LUC7L: variants seen among roughly 807,000 people sequenced by gnomAD.
LUC7L encodes the protein putative RNA-binding protein Luc7-like 1.
A neutral mutation model predicts 51.1 loss-of-function variants in LUC7L; 29 were observed. That is an observed-to-expected ratio of 0.57 (90% CI 0.42 to 0.77). LUC7L has a LOEUF of 0.77. Among genes scored for constraint, LUC7L ranks in the 30% least tolerant of loss-of-function variants. The probability of loss-of-function intolerance (pLI) is 0.00; values close to 1 mark genes in which losing one functional copy is unlikely to be tolerated. For synonymous variants in LUC7L, 181 were observed against 180.7 expected, an observed-to-expected ratio of 1.00 and a Z score of -0.01; for missense variants, 403 against 511.9, an observed-to-expected ratio of 0.79 and a Z score of 2.05.
intron 5 of LUC7L, among the ~76,000 whole-genome samples, chr16:205,789 G>C (rs1302035240): frequency 6.6e-6 from 1 of 152,050 alleles, no homozygotes; most frequent in South Asian, 2.1e-4. Context: ...ACGGGGATTC[G>C]CTGTGTTAGC....
intron 3 of LUC7L, among the ~76,000 whole-genome samples, chr16:216,843 T>A (rs922930532): frequency 2.6e-5 from 4 of 152,050 alleles, no homozygotes; most frequent in Non-Finnish European, 5.9e-5. Context: ...TCAAGGCACA[T>A]GCCACCACGC....
chr16:225,485 T>TC (rs1483383750), intron 2 of LUC7L, among the ~76,000 whole-genome samples: 3 of 99,368 alleles, frequency 3.0e-5, no homozygotes, highest in Admixed American at 1.0e-4. Context: ...AAACTCCGTC[T>TC]CTTTTTTTTT....
intron 7 of LUC7L, among the ~76,000 whole-genome samples, chr16:192,342 C>T (rs1034704672): frequency 6.6e-6 from 1 of 152,024 alleles, no homozygotes; most frequent in Admixed American, 6.6e-5. Flanking sequence ...ACCCCTCCTG[C>T]GTAAACAGGT....
chr16:191,471 T>C (rs1298119449), intron 7 of LUC7L, among the ~76,000 whole-genome samples: 5 of 152,154 alleles, frequency 3.3e-5, no homozygotes, highest in East Asian at 3.8e-4. Context: ...GTAAACTCCA[T>C]GCAAAAAATG....
At chr16:201,606 A>AT (rs950089664) in intron 5 of LUC7L, among the ~76,000 whole-genome samples, 1 of 151,848 alleles carries the variant, frequency 6.6e-6, no homozygotes, top group African/African-American at 2.4e-5. Flanking sequence ...CGCCCGGCCA[A>AT]TTTTTTGTAT....
chr16:221,567 T>C (rs1240050638), intron 2 of LUC7L, among the ~76,000 whole-genome samples: 1 of 151,910 alleles, frequency 6.6e-6, no homozygotes. Context: ...CCAGGTGTGG[T>C]GGCAGGGCAC....
chr16:197,557 A>G (rs1270454277), intron 6 of LUC7L, among the ~76,000 whole-genome samples: 2 of 152,170 alleles, frequency 1.3e-5, no homozygotes, highest in Non-Finnish European at 2.9e-5. Flanking sequence ...AAAAATTCCA[A>G]CTTTGACAGA....
rs757938234 is a variant in LUC7L, at chr16:190,175, TG to T, written c.807-41del. The T allele has an allele frequency of 4.5e-6, 7 of 1,558,174 alleles. No homozygotes were observed. In the South Asian group the frequency reaches 7.8e-5, roughly 17 times the overall value. On this transcript the variant is annotated intron_variant, in intron 8 of 9. Transcript: ENST00000293872. ...GGCTCCAAGGCTGAGACTCTATAGG[TG>T]CCAACACTATGAGGGCCCCACCCCT...
At chr16:215,677 C>A (rs1463766034) in intron 3 of LUC7L, among the ~76,000 whole-genome samples, 1 of 151,216 alleles carries the variant, frequency 6.6e-6, no homozygotes, top group Non-Finnish European at 1.5e-5. Context: ...GTGACATGCA[C>A]CTGTAGTCCC....
intron 3 of LUC7L, among the ~76,000 whole-genome samples, chr16:216,035 CTT>C (rs1238118107): frequency 2.0e-5 from 3 of 151,974 alleles, no homozygotes; most frequent in Admixed American, 6.6e-5. Context: ...GGATTTCGCT[CTT>C]GTTGCCCAGG....
At chr16:224,997 T>C (rs918807402) in intron 2 of LUC7L, among the ~76,000 whole-genome samples, 3 of 152,196 alleles carry the variant, frequency 2.0e-5, no homozygotes, top group African/African-American at 7.2e-5. Context: ...AAAATACTAC[T>C]GGCCATTCCC....
chr16:224,497 C>G (rs1392887801), intron 2 of LUC7L, among the ~76,000 whole-genome samples: 1 of 140,638 alleles, frequency 7.1e-6, no homozygotes, highest in Non-Finnish European at 1.5e-5. Flanking sequence ...CCAGCCTGGG[C>G]AACAAGAGCG....
At chr16:189,703 C>T in intron 9 of LUC7L, 2 of 1,354,468 alleles carry the variant, frequency 1.5e-6, no homozygotes, top group Non-Finnish European at 1.9e-6. Flanking sequence ...AAGTCTCAGC[C>T]ACTCTGAGCA....
intron 1 of LUC7L, chr16:227,677 C>A (rs1488905061): frequency 2.8e-6 from 3 of 1,081,642 alleles, no homozygotes; most frequent in Non-Finnish European, 3.4e-6. Context: ...ATCAGAGGTC[C>A]ATGAACCACC....
intron 9 of LUC7L, 158 bp from the exon 10 acceptor site, chr16:189,497 T>G (rs763776777): frequency 2.1e-4 from 293 of 1,419,618 alleles, no homozygotes; most frequent in Middle Eastern, 5.2e-4. Context: ...CCACCACATA[T>G]GGAGTGTTAG....
intron 5 of LUC7L, among the ~76,000 whole-genome samples, chr16:201,335 A>T (rs1435688622): frequency 1.3e-5 from 2 of 151,898 alleles, no homozygotes; most frequent in Non-Finnish European, 2.9e-5. Flanking sequence ...TATAGTTTTG[A>T]AACCTTAAAT....
rs2048983024 is a variant in LUC7L, at chr16:190,489, A to G, written c.806+52T>C. On this transcript the variant is annotated intron_variant, in intron 8 of 9. Coordinates refer to ENST00000293872, the MANE Select transcript of LUC7L (RefSeq NM_201412.3). ...GCATAATCATTAAATATTAAGAAAA[A>G]TGCTTATGGAAAAAAAAATTTGAGA... 6 of 1,570,808 alleles carry G rather than the reference A, an allele frequency of 3.8e-6. No homozygotes were observed. The South Asian group carries it at 6.7e-5, about 17-fold the overall frequency.
At chr16:193,155 T>C in intron 6 of LUC7L, 140 bp from the exon 7 acceptor site, 1 of 718,272 alleles carries the variant, frequency 1.4e-6, no homozygotes, top group Non-Finnish European at 2.4e-6. Flanking sequence ...TGGGAATACT[T>C]TTTTTTTTCT....
rs563403210 is a variant in LUC7L, at chr16:223,931, T to C, written c.157-3184A>G. The stretch of plus-strand genomic sequence containing the variant: ...AAGTGATCCACCCGCCTCCTCCTCC[T>C]CCTCCCGAAGTGCTGGGATTACAGG... On this transcript the variant is annotated intron_variant, in intron 2 of 9. Transcript: ENST00000293872. Among the ~76,000 whole-genome samples the C allele has an allele frequency of 9.2e-5, 14 of 151,926 alleles. No individual in the cohort carries two copies. The East Asian group carries it at 2.3e-3, about 25-fold the overall frequency.
Sources: gnomAD v4.1 joint callset for allele counts (sites outside exome capture counted in the v4.1 genomes callset) on GRCh38, gnomAD v4.1.1 for gene constraint, MANE v1.5 for transcripts, NCBI Gene and HGNC (gene_info 2026-07-23, HGNC 2026-07-21) for gene names.